The following SLC36A1 variants were observed in gnomAD, a reference collection of about 807,000 sequenced individuals.
The protein encoded by SLC36A1 is proton-coupled amino acid transporter 1.
In SLC36A1, 30 loss-of-function variants were observed where a neutral mutation model predicts 47.5. The ratio of observed to expected loss-of-function variants is 0.63; its 90% CI spans 0.47 to 0.86. The LOEUF is 0.86. Ranked by LOEUF, SLC36A1 falls within the 40% of genes least tolerant of loss-of-function variation. SLC36A1 has a pLI of 0.00. For missense variants in SLC36A1, 517 were observed against 606.0 expected, an observed-to-expected ratio of 0.85 and a Z score of 1.54; for synonymous variants, 255 against 249.7, an observed-to-expected ratio of 1.02 and a Z score of -0.20.
chr5:151,354,279 G>T, the SLC36A1 span, among the ~76,000 whole-genome samples: 24 of 152,194 alleles, frequency 1.6e-4, no homozygotes, highest in Non-Finnish European at 3.4e-4. Flanking sequence ...ACTCCAGCCT[G>T]GGCAACAGAA....
the SLC36A1 span, chr5:151,512,630 A>G: frequency 2.6e-6 from 4 of 1,565,660 alleles, no homozygotes; most frequent in Middle Eastern, 1.7e-4. This position sits in a 1 kb window ranked among gnomAD's most constrained non-coding sequence, Gnocchi z 4.1. Flanking sequence ...CCAAACAGCC[A>G]TCAGCAAAGC....
chr5:151,520,679 G>A, the SLC36A1 span, among the ~76,000 whole-genome samples: 1 of 152,158 alleles, frequency 6.6e-6, no homozygotes, highest in Non-Finnish European at 1.5e-5. Flanking sequence ...TTTTATAGAT[G>A]GGAAACTAAA....
At chr5:151,385,412 G>A in the SLC36A1 span, among the ~76,000 whole-genome samples, 1 of 152,222 alleles carries the variant, frequency 6.6e-6, no homozygotes, top group Non-Finnish European at 1.5e-5. Context: ...TGAGCAGACT[G>A]TGGGGCTCCT....
the SLC36A1 span, among the ~76,000 whole-genome samples, chr5:151,424,757 GTTTAA>G: frequency 2.8e-3 from 431 of 151,968 alleles, 3 homozygotes; most frequent in African/African-American, 0.01. Context: ...TTACAAAATT[GTTTAA>G]TTTAATCTTT....
At chr5:151,505,931 G>C in the SLC36A1 span, 11 of 1,585,512 alleles carry the variant, frequency 6.9e-6, no homozygotes, top group East Asian at 2.5e-4. Context: ...TCTCCAGGGG[G>C]AAGGGGAAGC....
the SLC36A1 span, chr5:151,545,456 G>T: frequency 6.2e-7 from 1 of 1,614,180 alleles, no homozygotes; most frequent in Non-Finnish European, 8.5e-7. Flanking sequence ...ACCATGAGAA[G>T]CTCCATGCCT....
rs1760013661 is a variant in SLC36A1 at position 151,490,463 on chromosome 5, CT to C, written c.*2210del. The C allele has an allele frequency of 6.6e-6, 1 of 152,330 alleles. No individual in the cohort carries two copies. The highest frequency in any genetic ancestry group is 6.5e-5 in the Admixed American group (1 of 15,282). The allele number at this position is 152,330 out of a possible 1,614,324, so 9.4% of individuals were successfully genotyped here. A position where few individuals can be genotyped will look rare whatever the true frequency, so the allele number is the denominator to read the frequency against. On this transcript the variant is annotated 3_prime_UTR_variant, in exon 11 of 11. Transcript: ENST00000243389. ...GGTGGACGTTTCTGTTTACTCAGAG[CT>C]GCTAGAGACCATCCTGCCCATCCGA...
upstream of SLC36A1, among the ~76,000 whole-genome samples, chr5:151,445,542 T>G (rs1752867090): frequency 1.3e-5 from 2 of 152,374 alleles, no homozygotes; most frequent in Middle Eastern, 6.8e-3. Context: ...TGGAAGAGTT[T>G]AGTAACAAAC....
chr5:151,455,623 C>T (rs1754382578), intron 1 of SLC36A1, among the ~76,000 whole-genome samples: 1 of 152,006 alleles, frequency 6.6e-6, no homozygotes, highest in African/African-American at 2.4e-5. Flanking sequence ...CATCCTTTCA[C>T]CTTCAGTAAT....
At chr5:151,526,072 G>A in the SLC36A1 span, 1 of 1,039,830 alleles carries the variant, frequency 9.6e-7, no homozygotes, top group Non-Finnish European at 1.4e-6. Flanking sequence ...CACTCTGACT[G>A]CTTGTAGATG....
chr5:151,505,838 G>A, the SLC36A1 span: 2 of 1,612,788 alleles, frequency 1.2e-6, no homozygotes, highest in South Asian at 1.1e-5. Flanking sequence ...GGCGCTCCCG[G>A]GGACTAGGGG....
At chr5:151,396,588 G>A in the SLC36A1 span, among the ~76,000 whole-genome samples, 2 of 152,116 alleles carry the variant, frequency 1.3e-5, no homozygotes, top group Admixed American at 1.3e-4. Flanking sequence ...AAAGAAGTAT[G>A]TTGTTTTAGA....
At chr5:151,514,457 G>GT in the SLC36A1 span, among the ~76,000 whole-genome samples, 1 of 151,988 alleles carries the variant, frequency 6.6e-6, no homozygotes, top group African/African-American at 2.4e-5. Context: ...AACTCTCTTG[G>GT]TAAACCCACA....
chr5:151,364,444 T>C, the SLC36A1 span, among the ~76,000 whole-genome samples: 1 of 152,234 alleles, frequency 6.6e-6, no homozygotes, highest in Non-Finnish European at 1.5e-5. Context: ...TCATCATCAA[T>C]GCATGAGGGT....
the SLC36A1 span, among the ~76,000 whole-genome samples, chr5:151,388,872 CTT>C: frequency 6.6e-6 from 1 of 152,086 alleles, no homozygotes; most frequent in African/African-American, 2.4e-5. Context: ...CAGATATACT[CTT>C]TACCTGCTAG....
At chr5:151,554,285 C>T in the SLC36A1 span, 5 of 1,371,364 alleles carry the variant, frequency 3.6e-6, no homozygotes, top group Admixed American at 2.1e-5. Context: ...GGGCTGTCTC[C>T]CTCCTCCTGA....
chr5:151,549,419 G>A, the SLC36A1 span: 2 of 1,614,158 alleles, frequency 1.2e-6, no homozygotes, highest in Non-Finnish European at 1.7e-6. Flanking sequence ...GGAGCTGAGT[G>A]AAGCGGGGTG....
chr5:151,510,680 A>G, the SLC36A1 span: 110,475 of 151,908 alleles, frequency 0.73, 40,480 homozygotes, highest in East Asian at 0.96. Context: ...AATAAAATTA[A>G]TTTTATTGAA....
the SLC36A1 span, among the ~76,000 whole-genome samples, chr5:151,362,243 T>C: frequency 6.6e-6 from 1 of 152,108 alleles, no homozygotes; most frequent in Non-Finnish European, 1.5e-5. Context: ...CTTGTAGACA[T>C]TCTGTTTTCT....
Sources: gnomAD v4.1 joint callset for allele counts (sites outside exome capture counted in the v4.1 genomes callset) on GRCh38, gnomAD v4.1.1 for gene constraint, Gnocchi (gnomAD v3.1) non-coding constraint, MANE v1.5 for transcripts, NCBI Gene and HGNC (gene_info 2026-07-23, HGNC 2026-07-21) for gene names.